The following PBX3 variants were observed in gnomAD, a reference collection of about 807,000 sequenced individuals.
The protein encoded by PBX3 is PBX homeobox 3.
A neutral mutation model predicts 48.5 loss-of-function variants in PBX3; 14 were observed. The observed-to-expected ratio is 0.29, with a 90% CI of 0.19 to 0.45. The LOEUF (loss-of-function observed/expected upper bound fraction) is 0.45, where lower values mean the gene tolerates loss of function less well. Among genes scored for constraint, PBX3 ranks in the 20% least tolerant of loss-of-function variants. The probability of loss-of-function intolerance (pLI) is 1.00; values close to 1 mark genes in which losing one functional copy is unlikely to be tolerated. For missense variants in PBX3, 386 were observed against 546.7 expected (o/e 0.71, Z 2.93); for synonymous variants, 210 against 200.3 (o/e 1.05, Z -0.41).
chr9:125,866,223 G>A (rs1180577851), intron 2 of PBX3, among the ~76,000 whole-genome samples: 3 of 152,066 alleles, frequency 2.0e-5, no homozygotes, highest in Non-Finnish European at 4.4e-5. Context: ...TTCCATGTTA[G>A]CAAGTCATTC....
At chr9:125,885,377 C>T (rs1840473954) in intron 2 of PBX3, among the ~76,000 whole-genome samples, 1 of 152,004 alleles carries the variant, frequency 6.6e-6, no homozygotes, top group African/African-American at 2.4e-5. Flanking sequence ...AATATCTTTT[C>T]TTGTAAGACC....
chr9:125,852,818 G>A (rs1839619068), intron 2 of PBX3, among the ~76,000 whole-genome samples: 1 of 152,080 alleles, frequency 6.6e-6, no homozygotes, highest in African/African-American at 2.4e-5. Context: ...AAACACAACA[G>A]TTAGTAGTGA....
At chr9:125,850,066 A>G (rs1839537211) in intron 2 of PBX3, among the ~76,000 whole-genome samples, 1 of 152,030 alleles carries the variant, frequency 6.6e-6, no homozygotes, top group African/African-American at 2.4e-5. Context: ...TTAAATATAT[A>G]TTTAGATGAA....
intron 2 of PBX3, among the ~76,000 whole-genome samples, chr9:125,886,194 G>C (rs6478715): frequency 0.73 from 111,023 of 151,888 alleles, 41,020 homozygotes; most frequent in African/African-American, 0.81. Flanking sequence ...CATTAATGTA[G>C]TGTATATTAT....
At chr9:125,810,788 G>A (rs1838267410) in intron 2 of PBX3, among the ~76,000 whole-genome samples, 1 of 152,202 alleles carries the variant, frequency 6.6e-6, no homozygotes, top group Non-Finnish European at 1.5e-5. Context: ...TGTGAAGAAG[G>A]TGGTGCTGTG....
chr9:125,850,587 G>A (rs575463338), intron 2 of PBX3, among the ~76,000 whole-genome samples: 53 of 151,954 alleles, frequency 3.5e-4, no homozygotes, highest in African/African-American at 1.2e-3. Context: ...GGATGCAATT[G>A]GTATAAGTAT....
rs1052236666 is a variant in PBX3, at chr9:125,759,782, C to A, written c.274+11159C>A. 6.6e-6 allele frequency among the ~76,000 whole-genome samples: 1 copy of A among 152,196 alleles called. No individual in the cohort carries two copies. Among genetic ancestry groups the A allele is most frequent in the Non-Finnish European group, 1.5e-5 (1 of 68,030 alleles). ...GGCAACTGGCATAACAATTAGCATC[C>A]TCCAGCAATATTTTAGCAGGTTAAT... On this transcript the variant is annotated intron_variant, in intron 2 of 8. Coordinates refer to ENST00000373489, the MANE Select transcript of PBX3 (RefSeq NM_006195.6). This position sits in a 1 kb window ranked among gnomAD's most constrained non-coding sequence, Gnocchi z 4.2.
chr9:125,757,974 A>G (rs1000101939), intron 2 of PBX3, among the ~76,000 whole-genome samples: 4 of 152,174 alleles, frequency 2.6e-5, no homozygotes, highest in Non-Finnish European at 4.4e-5. Context: ...AATTCTTTTA[A>G]CTGTGTATGA....
chr9:125,927,010 GAAAAC>G (rs1158006984), intron 3 of PBX3, among the ~76,000 whole-genome samples: 2 of 152,174 alleles, frequency 1.3e-5, no homozygotes, highest in African/African-American at 4.8e-5. Context: ...ATTCTGAAAA[GAAAAC>G]AAAAGCTTCA....
intron 2 of PBX3, among the ~76,000 whole-genome samples, chr9:125,883,939 A>G (rs940901920): frequency 5.3e-5 from 8 of 152,188 alleles, no homozygotes; most frequent in African/African-American, 1.9e-4. Context: ...GCTGAGTGAT[A>G]GATTCGCCTG....
Position 125,951,322 on chromosome 9 carries a change from G to A in PBX3, c.844-9362G>A, listed in dbSNP as rs548309814. ...ACAATAGCCCAGCAGGAGTGTGGCA[G>A]ACAGGCGCTCTTGGTCTTCTGTGGT... is the stretch of plus-strand genomic sequence containing the variant. On this transcript the variant is annotated intron_variant, in intron 5 of 8. Coordinates refer to ENST00000373489, the MANE Select transcript of PBX3 (RefSeq NM_006195.6). 5.9e-5 allele frequency among the ~76,000 whole-genome samples: 9 copies of A among 152,326 alleles called. No homozygotes were observed. The South Asian group carries it at 1.0e-3, about 18-fold the overall frequency.
chr9:125,836,067 A>G (rs1239394997), intron 2 of PBX3, among the ~76,000 whole-genome samples: 2 of 152,250 alleles, frequency 1.3e-5, no homozygotes, highest in African/African-American at 4.8e-5. Flanking sequence ...ACATGGATGG[A>G]ACGAGAGGAC....
chr9:125,783,287 C>A (rs1209720777), intron 2 of PBX3, among the ~76,000 whole-genome samples: 22 of 151,880 alleles, frequency 1.4e-4, no homozygotes, highest in Admixed American at 1.4e-3. Flanking sequence ...CATTTTCCTT[C>A]TATTCTTTTT....
At chr9:125,792,284 A>G (rs12235282) in intron 2 of PBX3, among the ~76,000 whole-genome samples, 3,066 of 152,264 alleles carry the variant, frequency 0.02, 174 homozygotes, top group East Asian at 0.17. Flanking sequence ...AGGAAACAGC[A>G]TTTTCAAAGG....
At chr9:125,884,597 A>G (rs926611329) in intron 2 of PBX3, among the ~76,000 whole-genome samples, 1 of 152,236 alleles carries the variant, frequency 6.6e-6, no homozygotes, top group Non-Finnish European at 1.5e-5. Context: ...AGCAATGGGT[A>G]GTACACATTA....
intron 2 of PBX3, among the ~76,000 whole-genome samples, chr9:125,787,639 G>A (rs1388056974): frequency 1.3e-5 from 2 of 152,144 alleles, no homozygotes; most frequent in African/African-American, 4.8e-5. Flanking sequence ...TGCAAGAATA[G>A]TTAAGATGTT....
intron 2 of PBX3, among the ~76,000 whole-genome samples, chr9:125,828,045 G>A (rs1352460303): frequency 2.6e-5 from 4 of 152,112 alleles, no homozygotes; most frequent in African/African-American, 7.2e-5. Flanking sequence ...ACAGATATTA[G>A]TAGTCCTTAG....
At chr9:125,786,589 A>T (rs143118167) in intron 2 of PBX3, among the ~76,000 whole-genome samples, 13 of 152,310 alleles carry the variant, frequency 8.5e-5, no homozygotes, top group African/African-American at 3.1e-4. Context: ...TAGAACAGGG[A>T]TGAATGATGG....
chr9:125,901,462 C>T (rs575223322), intron 2 of PBX3, among the ~76,000 whole-genome samples: 1 of 151,666 alleles, frequency 6.6e-6, no homozygotes, highest in South Asian at 2.1e-4. Flanking sequence ...TTAATGAAGC[C>T]TGAAGTTACT....
Sources: allele counts gnomAD v4.1 joint callset (sites outside exome capture counted in the v4.1 genomes callset), GRCh38; gene constraint gnomAD v4.1.1; non-coding constraint Gnocchi (gnomAD v3.1); transcripts MANE v1.5; gene names NCBI Gene and HGNC (gene_info 2026-07-23, HGNC 2026-07-21).